The following UBE2E2 variants were observed in gnomAD, a reference collection of about 807,000 sequenced individuals.
UBE2E2 encodes ubiquitin conjugating enzyme E2 E2, also known as ubiquitin-conjugating enzyme E2 E2.
Under a neutral mutation model 24.7 loss-of-function variants are expected in UBE2E2, and 6 were observed. The observed-to-expected ratio is 0.24, with a 90% CI of 0.13 to 0.48. UBE2E2 has a LOEUF of 0.48. Ranked by LOEUF, UBE2E2 falls within the 20% of genes least tolerant of loss-of-function variation. UBE2E2 has a pLI of 0.99. For synonymous variants in UBE2E2, 104 were observed against 83.6 expected (o/e 1.24, Z -1.33); for missense variants, 169 against 245.0 (o/e 0.69, Z 2.07).
At chr3:23,300,077 G>T (rs993709458) in intron 3 of UBE2E2, among the ~76,000 whole-genome samples, 3 of 152,098 alleles carry the variant, frequency 2.0e-5, no homozygotes, top group African/African-American at 7.2e-5. Flanking sequence ...CTGGTTTAAA[G>T]TCTGTTTTAT....
chr3:23,219,568 T>C lies in UBE2E2; in HGVS notation c.227+2256T>C, dbSNP rs367680868. On this transcript the variant is annotated intron_variant, in intron 3 of 5. Coordinates refer to ENST00000396703, the MANE Select transcript of UBE2E2 (RefSeq NM_152653.4). Reference sequence around the variant, plus strand: ...TTCTGCACTGCCTGCATTGGCCTAATGACTGTAATGGATTAATTTATCAAA... The same window carrying C: ...TTCTGCACTGCCTGCATTGGCCTAACGACTGTAATGGATTAATTTATCAAA... Among the ~76,000 whole-genome samples the C allele has an allele frequency of 3.3e-5, 5 of 152,234 alleles. No individual in the cohort carries two copies. The East Asian group carries it at 7.7e-4, about 23-fold the overall frequency.
intron 5 of UBE2E2, among the ~76,000 whole-genome samples, chr3:23,553,145 C>A (rs1253994021): frequency 6.6e-6 from 1 of 151,752 alleles, no homozygotes; most frequent in Non-Finnish European, 1.5e-5. Flanking sequence ...AGCCTACTTA[C>A]CTAAAGATAA....
At chr3:23,569,420 C>T (rs1288720682) in intron 5 of UBE2E2, among the ~76,000 whole-genome samples, 1 of 152,172 alleles carries the variant, frequency 6.6e-6, no homozygotes, top group East Asian at 1.9e-4. Flanking sequence ...GTTGCCCAAT[C>T]TGTGAATATA....
chr3:23,357,919 G>A (rs1238181102), intron 3 of UBE2E2, among the ~76,000 whole-genome samples: 1 of 152,162 alleles, frequency 6.6e-6, no homozygotes, highest in Admixed American at 6.5e-5. Flanking sequence ...GCTCACTGCA[G>A]CCTCGACCTC....
At chr3:23,561,739 T>C (rs1695934104) in intron 5 of UBE2E2, among the ~76,000 whole-genome samples, 1 of 152,178 alleles carries the variant, frequency 6.6e-6, no homozygotes, top group Non-Finnish European at 1.5e-5. Flanking sequence ...GTGTCCTCTT[T>C]TATTTCATTG....
chr3:23,300,573 G>A (rs1467491320), intron 3 of UBE2E2, among the ~76,000 whole-genome samples: 2 of 152,162 alleles, frequency 1.3e-5, no homozygotes, highest in African/African-American at 2.4e-5. Context: ...GAAATTATGG[G>A]TTGAAAATTC....
At chr3:23,450,516 A>G (rs1009863155) in intron 3 of UBE2E2, among the ~76,000 whole-genome samples, 3 of 152,320 alleles carry the variant, frequency 2.0e-5, no homozygotes, top group East Asian at 3.9e-4. Context: ...CATCTCAGAA[A>G]AATTTGCCTT....
At chr3:23,264,788 T>A (rs541385283) in intron 3 of UBE2E2, among the ~76,000 whole-genome samples, 2 of 152,220 alleles carry the variant, frequency 1.3e-5, no homozygotes, top group African/African-American at 4.8e-5. Flanking sequence ...GCTTTGAAAT[T>A]GAAAACAAGA....
At chr3:23,438,906 T>A (rs1191931287) in intron 3 of UBE2E2, among the ~76,000 whole-genome samples, 2 of 152,242 alleles carry the variant, frequency 1.3e-5, no homozygotes, top group Non-Finnish European at 1.5e-5. Context: ...CATATTAGTA[T>A]TCTGATAAGG....
At chr3:23,312,084 A>T (rs1575553298) in intron 3 of UBE2E2, among the ~76,000 whole-genome samples, 1 of 150,690 alleles carries the variant, frequency 6.6e-6, no homozygotes, top group South Asian at 2.1e-4. Flanking sequence ...AGTATGTAGC[A>T]CCTCCCTCCT....
At chr3:23,542,767 A>T (rs1410916840) in intron 5 of UBE2E2, among the ~76,000 whole-genome samples, 2 of 152,078 alleles carry the variant, frequency 1.3e-5, no homozygotes. Context: ...TTGCTCTGGG[A>T]ACTCAAATTT....
At position 23,504,959 on chromosome 3, in the gene UBE2E2, A is replaced by C. The variant is rs143883117; in HGVS notation, c.360+5219A>C. 8.8e-3 allele frequency among the ~76,000 whole-genome samples: 1,163 copies of C among 131,770 alleles called. 13 individuals carry two copies. The highest frequency in any genetic ancestry group is 0.025 in the African/African-American group (830 of 33,130). 86.4% of individuals were successfully genotyped at this position (131,770 alleles called of 152,430 possible). ...GGTCTCACTCTGGGGCCCAGGCTGG[A>C]GTGCAGTGACGTGATCATGGCTTAC... On this transcript the variant is annotated intron_variant, in intron 4 of 5. Transcript: ENST00000396703.
chr3:23,440,835 C>T (rs1698288287), intron 3 of UBE2E2, among the ~76,000 whole-genome samples: 1 of 151,912 alleles, frequency 6.6e-6, no homozygotes, highest in African/African-American at 2.4e-5. Context: ...CCAGTTTGTC[C>T]CCCCAACTTT....
chr3:23,285,065 G>A (rs986271785), intron 3 of UBE2E2, among the ~76,000 whole-genome samples: 1 of 150,770 alleles, frequency 6.6e-6, no homozygotes, highest in African/African-American at 2.4e-5. Context: ...ATCTTTCTAC[G>A]CTCTGCCTCT....
chr3:23,285,990 G>T (rs1559333462), intron 3 of UBE2E2, among the ~76,000 whole-genome samples: 1 of 152,096 alleles, frequency 6.6e-6, no homozygotes, highest in Non-Finnish European at 1.5e-5. Flanking sequence ...AGCCACTGTG[G>T]ATGGCCCTTT....
intron 5 of UBE2E2, among the ~76,000 whole-genome samples, chr3:23,569,243 A>G (rs986154219): frequency 1.9e-4 from 29 of 152,210 alleles, no homozygotes; most frequent in African/African-American, 6.0e-4. Flanking sequence ...ATATTATTCC[A>G]TTTAGGAAAA....
chr3:23,219,664 A>C (rs1160349219), intron 3 of UBE2E2, among the ~76,000 whole-genome samples: 3 of 152,142 alleles, frequency 2.0e-5, no homozygotes, highest in Non-Finnish European at 2.9e-5. Flanking sequence ...GTCATATCTC[A>C]TTTCAGAAGA....
chr3:23,553,721 A>G (rs192188885), intron 5 of UBE2E2, among the ~76,000 whole-genome samples: 7 of 152,312 alleles, frequency 4.6e-5, no homozygotes. Flanking sequence ...TTTAAAATCT[A>G]GATAGAAAAG....
At chr3:23,368,098 A>G (rs189923549) in intron 3 of UBE2E2, among the ~76,000 whole-genome samples, 23 of 152,218 alleles carry the variant, frequency 1.5e-4, no homozygotes, top group African/African-American at 5.1e-4. Flanking sequence ...TTGATTTCCT[A>G]TGTACTGTGT....
Sources: allele counts gnomAD v4.1 joint callset (sites outside exome capture counted in the v4.1 genomes callset), GRCh38; gene constraint gnomAD v4.1.1; transcripts MANE v1.5; gene names NCBI Gene and HGNC (gene_info 2026-07-23, HGNC 2026-07-21).